SATL1: variants seen among roughly 807,000 people sequenced by gnomAD.
The protein encoded by SATL1 is spermidine/spermine N1-acetyl transferase like 1, also known as spermidine/spermine N(1)-acetyltransferase-like protein 1.
Under a neutral mutation model 51.8 loss-of-function variants are expected in SATL1, and 47 were observed. The ratio of observed to expected loss-of-function variants is 0.91; its 90% confidence interval spans 0.72 to 1.16. The LOEUF is 1.16. SATL1 is among the 50% of genes most tolerant of loss of function. The pLI is 0.00. For missense variants in SATL1, 520 were observed against 526.4 expected (o/e 0.99, Z 0.12); for synonymous variants, 176 against 182.4 (o/e 0.97, Z 0.28).
intron 2 of SATL1, among the ~76,000 whole-genome samples, chrX:85,135,151 A>G (rs186279086): frequency 9.1e-6 from 1 of 110,138 alleles, no homozygotes; most frequent in African/African-American, 3.3e-5. Context: ...ATGGCAGGAA[A>G]CAACACACAC....
chrX:85,201,665 G>A (rs1411763492), intron 2 of SATL1, among the ~76,000 whole-genome samples: 1 of 110,872 alleles, frequency 9.0e-6, no homozygotes, highest in African/African-American at 3.3e-5. Flanking sequence ...CCTTCTTTGT[G>A]TTCATAAATT....
At chrX:85,226,218 C>G (rs1928275538) in intron 1 of SATL1, among the ~76,000 whole-genome samples, 1 of 111,033 alleles carries the variant, frequency 9.0e-6, no homozygotes, top group African/African-American at 3.3e-5. Flanking sequence ...ATATCCTTAA[C>G]CTCTTTTCCA....
chrX:85,193,645 A>G (rs1412870912), intron 2 of SATL1, among the ~76,000 whole-genome samples: 1 of 111,659 alleles, frequency 9.0e-6, no homozygotes, highest in Non-Finnish European at 1.9e-5. Flanking sequence ...TTCAATAGTT[A>G]CCTTTTCTGC....
chrX:85,151,289 A>G (rs1926428158), intron 2 of SATL1, among the ~76,000 whole-genome samples: 1 of 111,090 alleles, frequency 9.0e-6, no homozygotes, highest in African/African-American at 3.3e-5. Context: ...AAGGAGAACT[A>G]CAAACCGGTG....
chrX:85,107,601 C>G lies in SATL1; in HGVS notation c.1368G>C (p.Met456Ile), dbSNP rs149790168. ...TTGATTGGCTAGTGCCTGGTTGTCT[C>G]ATGCCTAGTTGGCTGGGGACTTGCT... ...MSQQVPSQLG[M>I]RQPGTSQSSK... is the part of the protein sequence containing the mutation. Residue 456 changes from methionine to isoleucine, a missense_variant, in exon 3 of 8, where the codon ATG becomes ATC. Transcript: ENST00000644105. 2.5e-6 allele frequency: 3 copies of G among 1,211,212 alleles called. No homozygotes were observed. The African/African-American group carries it at 5.2e-5, about 21-fold the overall frequency.
chrX:85,236,455 A>G (rs180917339), intron 1 of SATL1, among the ~76,000 whole-genome samples: 1 of 111,427 alleles, frequency 9.0e-6, no homozygotes, highest in East Asian at 2.8e-4. Flanking sequence ...ATTCTAGTAA[A>G]CTGAATTCAA....
intron 2 of SATL1, among the ~76,000 whole-genome samples, chrX:85,151,664 A>T (rs911027039): frequency 2.7e-5 from 3 of 111,272 alleles, no homozygotes; most frequent in African/African-American, 9.8e-5. Flanking sequence ...ATAATGCCGC[A>T]TATCTACAAC....
chrX:85,112,852 C>T (rs1925290719), intron 2 of SATL1, among the ~76,000 whole-genome samples: 1 of 111,235 alleles, frequency 9.0e-6, no homozygotes, highest in African/African-American at 3.3e-5. Flanking sequence ...TGACCATCAC[C>T]TGATGGTCGC....
intron 4 of SATL1, among the ~76,000 whole-genome samples, chrX:85,099,812 C>T (rs1924844131): frequency 8.9e-6 from 1 of 112,233 alleles, no homozygotes; most frequent in African/African-American, 3.2e-5. Flanking sequence ...AAACATTCCC[C>T]TAAGATTAGG....
chrX:85,094,217 ACAGT>A lies in SATL1; in HGVS notation c.1783_1786del (p.Thr595LeufsTer20). ...TGTAAAGTAGTACATGGCAAATCCA[ACAGT>A]CAGTTTGCCTAGGAAGGGAGAAGAA... On this transcript the variant is annotated frameshift_variant, in exon 6 of 8. Coordinates refer to ENST00000644105, the MANE Select transcript of SATL1 (RefSeq NM_001367857.2). LOFTEE classifies it high-confidence loss of function. 8.6e-7 allele frequency: 1 copy of A among 1,163,105 alleles called. No homozygotes were observed. The highest frequency in any genetic ancestry group is 1.8e-5 in the South Asian group (1 of 54,499).
At chrX:85,130,923 G>A (rs920180282) in intron 2 of SATL1, among the ~76,000 whole-genome samples, 4 of 111,885 alleles carry the variant, frequency 3.6e-5, no homozygotes, top group African/African-American at 1.3e-4. Flanking sequence ...TCATTTAGGA[G>A]CAGGTTGTTC....
At chrX:85,177,670 G>A (rs1927111121) in intron 2 of SATL1, among the ~76,000 whole-genome samples, 1 of 111,369 alleles carries the variant, frequency 9.0e-6, no homozygotes, top group African/African-American at 3.3e-5. Flanking sequence ...AGTGTAATAG[G>A]AGCAGGAAAA....
At chrX:85,183,696 T>C (rs931977124) in intron 2 of SATL1, among the ~76,000 whole-genome samples, 8 of 111,609 alleles carry the variant, frequency 7.2e-5, no homozygotes, top group Non-Finnish European at 1.5e-4. Flanking sequence ...TGGAGTACAA[T>C]AGATATTTTG....
chrX:85,172,993 T>C (rs900244162), intron 2 of SATL1, among the ~76,000 whole-genome samples: 17 of 111,730 alleles, frequency 1.5e-4, no homozygotes, highest in Non-Finnish European at 2.6e-4. Flanking sequence ...TTAGTTAATA[T>C]TATGATGCCC....
At chrX:85,219,574 C>T (rs991475545) in intron 2 of SATL1, 1 of 112,089 alleles carries the variant, frequency 8.9e-6, no homozygotes, top group African/African-American at 3.2e-5. Flanking sequence ...ATATTGAGTA[C>T]TTTATTAGTT....
intron 3 of SATL1, among the ~76,000 whole-genome samples, chrX:85,105,531 T>C (rs1925017619): frequency 9.0e-6 from 1 of 111,589 alleles, no homozygotes; most frequent in Admixed American, 9.5e-5. Flanking sequence ...ATAAAAAGCT[T>C]TAGAAATTCT....
At chrX:85,109,884 C>A (rs1925221877) in intron 2 of SATL1, among the ~76,000 whole-genome samples, 1 of 110,792 alleles carries the variant, frequency 9.0e-6, no homozygotes, top group Admixed American at 9.7e-5. Flanking sequence ...GTGGTGGGCA[C>A]CTGTAATCCC....
At chrX:85,144,472 T>A (rs1422588522) in intron 2 of SATL1, among the ~76,000 whole-genome samples, 5 of 111,647 alleles carry the variant, frequency 4.5e-5, no homozygotes, top group African/African-American at 1.3e-4. Flanking sequence ...GACCTGGGAT[T>A]CAGACAATCT....
At chrX:85,096,818 G>A (rs1037132998) in intron 4 of SATL1, among the ~76,000 whole-genome samples, 9 of 106,568 alleles carry the variant, frequency 8.4e-5, no homozygotes, top group Non-Finnish European at 1.3e-4. Flanking sequence ...TCAAAATGAG[G>A]GATAAATTAA....
Sources: allele counts gnomAD v4.1 joint callset (sites outside exome capture counted in the v4.1 genomes callset), GRCh38; gene constraint gnomAD v4.1.1; transcripts MANE v1.5; gene names NCBI Gene and HGNC (gene_info 2026-07-23, HGNC 2026-07-21).